The following RARB variants were observed in gnomAD, a reference collection of about 807,000 sequenced individuals.
The protein encoded by RARB is HBV-activated protein.
In RARB, 17 loss-of-function variants were observed where a neutral mutation model predicts 51.9. That is an observed-to-expected ratio of 0.33 (90% CI 0.22 to 0.49). RARB has a LOEUF of 0.49. Ranked by LOEUF, RARB falls within the 20% of genes least tolerant of loss-of-function variation. RARB has a pLI of 0.99. For missense variants in RARB, 369 were observed against 550.8 expected, an observed-to-expected ratio of 0.67 and a Z score of 3.30; for synonymous variants, 215 against 195.4, an observed-to-expected ratio of 1.10 and a Z score of -0.84.
intron 2 of RARB, among the ~76,000 whole-genome samples, chr3:25,041,359 T>A (rs926874712): frequency 6.6e-6 from 1 of 152,176 alleles, no homozygotes; most frequent in Non-Finnish European, 1.5e-5. Context: ...AATATTTAAA[T>A]ATTCGAATCC....
At chr3:24,998,164 A>G (rs1697082259) in intron 2 of RARB, among the ~76,000 whole-genome samples, 1 of 152,068 alleles carries the variant, frequency 6.6e-6, no homozygotes, top group African/African-American at 2.4e-5. Flanking sequence ...CCTTTCAAGA[A>G]TTATGAACAT....
chr3:25,539,561 C>T (rs1699287156), intron 3 of RARB, among the ~76,000 whole-genome samples: 1 of 132,650 alleles, frequency 7.5e-6, no homozygotes, highest in African/African-American at 3.1e-5. Flanking sequence ...TTTTTTTGGC[C>T]TATTTTTTCC....
chr3:25,259,049 G>T, intron 5 of RARB: 1 of 985,286 alleles, frequency 1.0e-6, no homozygotes, highest in Non-Finnish European at 1.2e-6. Context: ...CAGGAACCAG[G>T]AATGTGAACA....
At chr3:24,878,378 C>A (rs1456238050) in intron 2 of RARB, among the ~76,000 whole-genome samples, 1 of 150,658 alleles carries the variant, frequency 6.6e-6, no homozygotes, top group Middle Eastern at 3.2e-3. Flanking sequence ...TTTTTCCCTG[C>A]TTGTTTTCGT....
intron 2 of RARB, among the ~76,000 whole-genome samples, chr3:24,951,413 C>G (rs116496518): frequency 5.8e-4 from 88 of 152,264 alleles, no homozygotes; most frequent in African/African-American, 2.1e-3. Context: ...TAGGCTTTGT[C>G]TTAGGGCATC....
At chr3:25,063,727 A>AAT (rs1698599259) in intron 3 of RARB, among the ~76,000 whole-genome samples, 1 of 151,006 alleles carries the variant, frequency 6.6e-6, no homozygotes, top group Non-Finnish European at 1.5e-5. Flanking sequence ...TTTTTTTTTA[A>AAT]AAAGATGAGG....
chr3:25,273,908 A>G (rs1703315074), intron 5 of RARB, among the ~76,000 whole-genome samples: 1 of 152,148 alleles, frequency 6.6e-6, no homozygotes, highest in Non-Finnish European at 1.5e-5. Context: ...CTTGGTGTTC[A>G]GACCTCGTAG....
chr3:24,902,529 A>G (rs1432985970), intron 2 of RARB, among the ~76,000 whole-genome samples: 1 of 152,174 alleles, frequency 6.6e-6, no homozygotes, highest in Non-Finnish European at 1.5e-5. Flanking sequence ...GAGGATGATA[A>G]AAACGGGTAA....
chr3:25,496,276 G>A (rs1046375276), intron 2 of RARB, among the ~76,000 whole-genome samples: 6 of 152,160 alleles, frequency 3.9e-5, no homozygotes, highest in African/African-American at 1.4e-4. Context: ...AATTTATTAG[G>A]TGTTGAAAAA....
At chr3:24,859,058 G>A (rs75219810) in intron 2 of RARB, among the ~76,000 whole-genome samples, 3,974 of 119,978 alleles carry the variant, frequency 0.033, 216 homozygotes, top group African/African-American at 0.067. Flanking sequence ...AAAAAAAAAA[G>A]AAAAAAAAAA....
chr3:25,199,714 C>G (rs769389040), intron 5 of RARB, among the ~76,000 whole-genome samples: 4 of 152,020 alleles, frequency 2.6e-5, no homozygotes, highest in Admixed American at 1.3e-4. Flanking sequence ...CTTGACCTTG[C>G]GATAGTTTGC....
At chr3:25,261,045 C>T (rs1702985641) in intron 5 of RARB, among the ~76,000 whole-genome samples, 1 of 152,070 alleles carries the variant, frequency 6.6e-6, no homozygotes, top group Non-Finnish European at 1.5e-5. Flanking sequence ...TAGTATCTAC[C>T]TCCTAGGGTT....
chr3:25,419,146 G>C (rs1404531138), intron 5 of RARB, among the ~76,000 whole-genome samples: 2 of 152,042 alleles, frequency 1.3e-5, no homozygotes. Context: ...ATTTAGCAAG[G>C]CCTATCTATT....
At chr3:25,069,176 C>G (rs985430736) in intron 3 of RARB, among the ~76,000 whole-genome samples, 3 of 152,038 alleles carry the variant, frequency 2.0e-5, no homozygotes, top group African/African-American at 7.2e-5. Flanking sequence ...AAGAAGAAAG[C>G]AAGCAATTAG....
At chr3:25,148,790 T>TA (rs1329740825) in intron 4 of RARB, among the ~76,000 whole-genome samples, 1 of 152,196 alleles carries the variant, frequency 6.6e-6, no homozygotes, top group Non-Finnish European at 1.5e-5. Flanking sequence ...TTGTACCTTG[T>TA]AAGTAGTTGC....
At chr3:25,292,194 T>A (rs1397057184) in intron 5 of RARB, among the ~76,000 whole-genome samples, 1 of 152,138 alleles carries the variant, frequency 6.6e-6, no homozygotes, top group Admixed American at 6.5e-5. Context: ...TTAACAAAAA[T>A]ACAAAGACTG....
At chr3:25,014,775 C>G (rs1355315324) in intron 2 of RARB, among the ~76,000 whole-genome samples, 3 of 151,778 alleles carry the variant, frequency 2.0e-5, no homozygotes, top group Non-Finnish European at 4.4e-5. Context: ...CTACTAGCAA[C>G]AATAGGATTG....
chr3:25,324,458 C>G (rs948806852), intron 5 of RARB: 1 of 157,774 alleles, frequency 6.3e-6, no homozygotes, highest in African/African-American at 2.4e-5. Context: ...GGAGGAGGAC[C>G]TGGTGTTCAG....
At chr3:25,059,855 G>A (rs977799778) in intron 2 of RARB, among the ~76,000 whole-genome samples, 2 of 151,700 alleles carry the variant, frequency 1.3e-5, no homozygotes, top group South Asian at 2.1e-4. Context: ...TGGTAAATAC[G>A]GTAGCATCTT....
Sources: allele counts gnomAD v4.1 joint callset (sites outside exome capture counted in the v4.1 genomes callset), GRCh38; gene constraint gnomAD v4.1.1; transcripts MANE v1.5; gene names NCBI Gene and HGNC (gene_info 2026-07-23, HGNC 2026-07-21).